CLN6: variants seen among roughly 807,000 people sequenced by gnomAD.
The protein encoded by CLN6 is ceroid-lipofuscinosis neuronal protein 6.
Under a neutral mutation model 33.3 loss-of-function variants are expected in CLN6, and 22 were observed. That is an observed-to-expected ratio of 0.66 (90% CI 0.47 to 0.94). CLN6 has a LOEUF of 0.94. Ranked by LOEUF, CLN6 falls within the 40% of genes least tolerant of loss-of-function variation. CLN6 has a pLI of 0.00. For synonymous variants in CLN6, 201 were observed against 174.6 expected (o/e 1.15, Z -1.19); for missense variants, 387 against 417.1 (o/e 0.93, Z 0.63).
rs746391694 is a variant in CLN6, at chr15:68,218,491, T to C, written c.198+45A>G. 1.5e-5 allele frequency: 20 copies of C among 1,355,188 alleles called. No individual in the cohort carries two copies. The East Asian group carries it at 3.2e-4, about 22-fold the overall frequency. 83.9% of individuals were successfully genotyped at this position (1,355,188 alleles called of 1,614,324 possible). A position where few individuals can be genotyped will look rare whatever the true frequency, so the allele number is the denominator to read the frequency against. On this transcript the variant is annotated intron_variant, in intron 2 of 6. Transcript: ENST00000249806. ...CTCGGCAAATTCAAGCCACACTAAGTGTCCTCAGTGCTGGTCAGAGCCCTG... is the reference window on the plus strand; with the variant it reads ...CTCGGCAAATTCAAGCCACACTAAGCGTCCTCAGTGCTGGTCAGAGCCCTG...
At chr15:68,250,051 G>C (rs965960108) in intron 1 of CLN6, among the ~76,000 whole-genome samples, 1 of 152,090 alleles carries the variant, frequency 6.6e-6, no homozygotes, top group East Asian at 1.9e-4. Context: ...GATTAGAGGC[G>C]TGAGTCACTG....
Position 68,229,714 on chromosome 15 carries a change from C to G in CLN6, c.-130G>C. On this transcript the variant is annotated 5_prime_UTR_variant, in exon 1 of 7. Transcript: ENST00000249806. Reference sequence around the variant, plus strand: ...GGGCGGGCCGGCGAGAGCGCGCGGCCCTCGGGAGGAACAGGCGGGGCTGCG... The same window carrying G: ...GGGCGGGCCGGCGAGAGCGCGCGGCGCTCGGGAGGAACAGGCGGGGCTGCG... 1.6e-6 allele frequency: 1 copy of G among 623,496 alleles called. No homozygotes were observed. Among genetic ancestry groups the G allele is most frequent in the East Asian group, 4.1e-5 (1 of 24,674 alleles). The allele number at this position is 623,496 out of a possible 1,614,324, so 38.6% of individuals were successfully genotyped here.
chr15:68,212,108 G>A, intron 3 of CLN6: 1 of 555,090 alleles, frequency 1.8e-6, no homozygotes, highest in South Asian at 2.0e-5. Context: ...AAGACCAGAG[G>A]GCCCAACTCC....
chr15:68,225,320 A>C (rs908309121), intron 1 of CLN6, among the ~76,000 whole-genome samples: 1 of 152,242 alleles, frequency 6.6e-6, no homozygotes, highest in African/African-American at 2.4e-5. Flanking sequence ...ATTTTATATT[A>C]ATTTTCAATG....
chr15:68,247,743 C>A lies in CLN6; in HGVS notation c.179+8947G>T, dbSNP rs2141164932. Among the ~76,000 whole-genome samples the A allele has an allele frequency of 6.6e-6, 1 of 152,070 alleles. No homozygotes were observed. Among genetic ancestry groups the A allele is most frequent in the Non-Finnish European group, 1.5e-5 (1 of 67,960 alleles). ...AGCAATCCTAAGCAAAACGAACAAACCTGGGTCAGGCATGGTGGCTCATGC... is the reference window on the plus strand; with the variant it reads ...AGCAATCCTAAGCAAAACGAACAAAACTGGGTCAGGCATGGTGGCTCATGC... On this transcript the variant is annotated intron_variant, in intron 1 of 6. Transcript: ENST00000538696. The surrounding 1 kb of genome is among the most constrained non-coding windows in gnomAD (Gnocchi z 4.2).
chr15:68,235,818 AT>A (rs1017376368), intron 1 of CLN6, among the ~76,000 whole-genome samples: 3 of 152,106 alleles, frequency 2.0e-5, no homozygotes, highest in Non-Finnish European at 4.4e-5. Context: ...TTCAACAATG[AT>A]TTGTTAAGCA....
intron 1 of CLN6, among the ~76,000 whole-genome samples, chr15:68,224,082 AC>A (rs1489084697): frequency 6.6e-6 from 1 of 151,468 alleles, no homozygotes; most frequent in Non-Finnish European, 1.5e-5. Context: ...ACAACAAAAA[AC>A]AACTCTAAAA....
chr15:68,251,590 G>A (rs1031860167), intron 1 of CLN6, among the ~76,000 whole-genome samples: 2 of 152,162 alleles, frequency 1.3e-5, no homozygotes, highest in Admixed American at 6.6e-5. Flanking sequence ...CAGAAGAATC[G>A]CTTGAGCCTG....
Position 68,209,289 on chromosome 15 carries a change from G to GCAGCCC in CLN6, c.665+342_665+347dup, listed in dbSNP as rs2093197551. On this transcript the variant is annotated intron_variant, in intron 6 of 6. Transcript: ENST00000249806. This position sits in a 1 kb window ranked among gnomAD's most constrained non-coding sequence, Gnocchi z 4.9. ...TCCCCACTTCACAGAGGTGGAAACC[G>GCAGCCC]CAGCCCACTACAGGGCTTGGTGTCG... is the stretch of plus-strand genomic sequence containing the variant. Among the ~76,000 whole-genome samples the GCAGCCC allele has an allele frequency of 6.6e-6, 1 of 152,188 alleles. No homozygotes were observed. The highest frequency in any genetic ancestry group is 1.5e-5 in the Non-Finnish European group (1 of 68,034).
chr15:68,209,570 T>A lies in CLN6; in HGVS notation c.665+67A>T, dbSNP rs1484213394. 1 of 1,601,164 alleles carries A rather than the reference T, an allele frequency of 6.2e-7. No homozygotes were observed. The highest frequency in any genetic ancestry group is 8.5e-7 in the Non-Finnish European group (1 of 1,176,288). ...GCCACACAGCAGGTCCATTGGCAAG[T>A]GCAGAATTTTGCTGCCGTGGCTCTC... is the stretch of plus-strand genomic sequence containing the variant. On this transcript the variant is annotated intron_variant, in intron 6 of 6. Transcript: ENST00000249806. The surrounding 1 kb of genome is among the most constrained non-coding windows in gnomAD (Gnocchi z 4.9).
At chr15:68,240,322 G>A (rs1339271906) in intron 1 of CLN6, among the ~76,000 whole-genome samples, 1 of 152,188 alleles carries the variant, frequency 6.6e-6, no homozygotes, top group Non-Finnish European at 1.5e-5. Context: ...GCCAGGCCAG[G>A]CGCAGTGGCT....
At chr15:68,218,852 T>G (rs1204937339) in intron 1 of CLN6, among the ~76,000 whole-genome samples, 2 of 152,280 alleles carry the variant, frequency 1.3e-5, no homozygotes, top group East Asian at 3.9e-4. Flanking sequence ...TGCCCCGACC[T>G]TAGCTTCTCT....
rs1337583182 is a variant in CLN6 at position 68,256,095 on chromosome 15, C to T, written c.179+595G>A. On this transcript the variant is annotated intron_variant, in intron 1 of 6. Coordinates refer to the CLN6 transcript ENST00000538696. This position sits in a 1 kb window ranked among gnomAD's most constrained non-coding sequence, Gnocchi z 4.1. ...TGAGTCACCGCCCCCAGCCTTTCCC[C>T]TCTTTTTATTTTATTATTATTATTT... 6.6e-6 allele frequency among the ~76,000 whole-genome samples: 1 copy of T among 151,946 alleles called. No homozygotes were observed. Among genetic ancestry groups the T allele is most frequent in the Non-Finnish European group, 1.5e-5 (1 of 67,950 alleles).
intron 1 of CLN6, among the ~76,000 whole-genome samples, chr15:68,224,249 G>A (rs371530836): frequency 9.3e-6 from 1 of 108,032 alleles, no homozygotes; most frequent in African/African-American, 3.5e-5. Flanking sequence ...CTGGGTGACA[G>A]AGTAAGACCT....
In CLN6 at chr15:68,208,501, C is replaced by A. The variant is rs1251155580; in HGVS notation, c.666-91G>T. The A allele has an allele frequency of 1.2e-5, 18 of 1,461,746 alleles. No individual in the cohort carries two copies. Among genetic ancestry groups the A allele is most frequent in the Non-Finnish European group, 1.5e-5 (16 of 1,059,744 alleles). 90.5% of individuals were successfully genotyped at this position (1,461,746 alleles called of 1,614,324 possible). On this transcript the variant is annotated intron_variant, in intron 6 of 6. Transcript: ENST00000249806. This position sits in a 1 kb window ranked among gnomAD's most constrained non-coding sequence, Gnocchi z 5.8. ...TGTGTGCGAGAGCCAGGCTGCCCTC[C>A]AGGCAGGCAGAAGAGTCCTCTGGTG...
chr15:68,235,154 G>GC (rs1398603672), intron 1 of CLN6, among the ~76,000 whole-genome samples: 1 of 152,182 alleles, frequency 6.6e-6, no homozygotes, highest in African/African-American at 2.4e-5. Flanking sequence ...CTAAGGGATA[G>GC]CGCTAACCTT....
chr15:68,256,675 T>G lies in CLN6; in HGVS notation c.179+15A>C. On this transcript the variant is annotated intron_variant, in intron 1 of 6. Coordinates refer to the CLN6 transcript ENST00000538696. The surrounding 1 kb of genome is among the most constrained non-coding windows in gnomAD (Gnocchi z 4.1). ...CCTTGGTTTAATGCGCTGCTCTCAT[T>G]GCCTTGAAACTTACTTTTTACCTTT... 1 of 642,422 alleles carries G rather than the reference T, an allele frequency of 1.6e-6. No individual in the cohort carries two copies. Among genetic ancestry groups the G allele is most frequent in the South Asian group, 1.7e-5 (1 of 60,404 alleles). 39.8% of individuals were successfully genotyped at this position (642,422 alleles called of 1,614,324 possible). A position where few individuals can be genotyped will look rare whatever the true frequency, so the allele number is the denominator to read the frequency against.
chr15:68,229,420 GC>G, intron 1 of CLN6, 81 bp downstream of exon 1: 1 of 1,149,248 alleles, frequency 8.7e-7, no homozygotes, highest in Non-Finnish European at 1.2e-6. Context: ...CCGCCCGGCA[GC>G]CCTAGGAGCG....
rs560499997 is a variant in CLN6 at position 68,242,069 on chromosome 15, A to G, written c.179+14621T>C. ...AAGAAATAACAGGAAACAGGAAACCATGGGCACCCCAAACAGACAAAGCAT... is the reference window on the plus strand; with the variant it reads ...AAGAAATAACAGGAAACAGGAAACCGTGGGCACCCCAAACAGACAAAGCAT... On this transcript the variant is annotated intron_variant, in intron 1 of 6. Transcript: ENST00000538696. This position sits in a 1 kb window ranked among gnomAD's most constrained non-coding sequence, Gnocchi z 5.0. Among the ~76,000 whole-genome samples, 1 of 152,178 alleles carries G rather than the reference A, an allele frequency of 6.6e-6. No homozygotes were observed. Among genetic ancestry groups the G allele is most frequent in the Non-Finnish European group, 1.5e-5 (1 of 68,022 alleles).
Sources: allele counts gnomAD v4.1 joint callset (sites outside exome capture counted in the v4.1 genomes callset), GRCh38; gene constraint gnomAD v4.1.1; non-coding constraint Gnocchi (gnomAD v3.1); transcripts MANE v1.5; gene names NCBI Gene and HGNC (gene_info 2026-07-23, HGNC 2026-07-21).